Variants in SGCZ observed in about 807,000 individuals in gnomAD.
SGCZ encodes the protein sarcoglycan zeta.
SGCZ carries 40 observed loss-of-function variants against 41.3 expected under a neutral mutation model. The observed-to-expected ratio is 0.97, with a 90% CI of 0.75 to 1.26. The LOEUF is 1.26. Among genes scored for constraint, SGCZ ranks in the 50% most tolerant of loss-of-function variants. SGCZ has a pLI of 0.00. For synonymous variants in SGCZ, 206 were observed against 137.5 expected (o/e 1.50, Z -3.49); for missense variants, 552 against 369.8 (o/e 1.49, Z -4.04).
intron 2 of SGCZ, among the ~76,000 whole-genome samples, chr8:14,441,513 T>G (rs867685296): frequency 2.2e-4 from 34 of 152,164 alleles, no homozygotes; most frequent in African/African-American, 7.2e-4. Context: ...AGGTGGAGGT[T>G]GCAGTAAGCC....
intron 1 of SGCZ, among the ~76,000 whole-genome samples, chr8:14,904,194 C>T (rs956227422): frequency 8.6e-5 from 13 of 152,002 alleles, no homozygotes; most frequent in African/African-American, 3.1e-4. Context: ...TGAATTGCTG[C>T]TCACAGCTTT....
Position 14,968,513 on chromosome 8 carries a change from C to T in SGCZ, c.39+269072G>A, listed in dbSNP as rs181085237. On this transcript the variant is annotated intron_variant, in intron 1 of 7. Transcript: ENST00000382080. ...ATTAGGATAAGAAGAAAATAGCATA[C>T]TCCATTTTCTTAAGATATTAAAAAT... Among the ~76,000 whole-genome samples the T allele has an allele frequency of 2.0e-5, 3 of 152,044 alleles. 1 individual carries two copies. Among genetic ancestry groups the T allele is most frequent in the South Asian group, 4.1e-4 (2 of 4,830 alleles).
intron 1 of SGCZ, among the ~76,000 whole-genome samples, chr8:14,806,657 G>A (rs547955258): frequency 3.9e-5 from 6 of 152,134 alleles, no homozygotes; most frequent in Middle Eastern, 3.4e-3. Context: ...GAGGTACAAG[G>A]AGGAACTGGT....
At chr8:14,596,382 T>A (rs939878893) in intron 1 of SGCZ, among the ~76,000 whole-genome samples, 4 of 152,302 alleles carry the variant, frequency 2.6e-5, no homozygotes, top group Non-Finnish European at 5.9e-5. Context: ...AAATATTTGA[T>A]GAACGACAAT....
chr8:14,383,572 G>A (rs1233544966), intron 2 of SGCZ, among the ~76,000 whole-genome samples: 2 of 152,200 alleles, frequency 1.3e-5, no homozygotes, highest in Non-Finnish European at 2.9e-5. Flanking sequence ...AAAAGAACAT[G>A]TGAATTAAAT....
intron 1 of SGCZ, among the ~76,000 whole-genome samples, chr8:14,838,729 A>G (rs1279606534): frequency 6.6e-6 from 1 of 152,070 alleles, no homozygotes; most frequent in Non-Finnish European, 1.5e-5. Context: ...ACTCCTCTCT[A>G]AGACCCTGGA....
At chr8:14,639,003 G>A (rs1372750498) in intron 1 of SGCZ, among the ~76,000 whole-genome samples, 2 of 148,724 alleles carry the variant, frequency 1.3e-5, no homozygotes, top group African/African-American at 4.9e-5. Context: ...TACGGGAGAT[G>A]TATCTTTAGA....
chr8:14,125,280 G>A (rs1301276080), intron 5 of SGCZ, among the ~76,000 whole-genome samples: 2 of 152,036 alleles, frequency 1.3e-5, no homozygotes, highest in Non-Finnish European at 1.5e-5. Flanking sequence ...GAGGTGGGTG[G>A]TTCACAAGGT....
At chr8:14,955,257 C>A (rs530811395) in intron 1 of SGCZ, among the ~76,000 whole-genome samples, 7 of 152,270 alleles carry the variant, frequency 4.6e-5, no homozygotes, top group South Asian at 2.1e-4. Context: ...GTTTGTGAAA[C>A]CCATCCATGT....
intron 4 of SGCZ, among the ~76,000 whole-genome samples, chr8:14,219,303 C>G (rs952201654): frequency 6.6e-6 from 1 of 152,078 alleles, no homozygotes; most frequent in African/African-American, 2.4e-5. Flanking sequence ...CTTTTTCAAT[C>G]CCGCTTAAAC....
chr8:14,813,813 C>G (rs1585283971), intron 1 of SGCZ, among the ~76,000 whole-genome samples: 1 of 152,162 alleles, frequency 6.6e-6, no homozygotes, highest in East Asian at 1.9e-4. Context: ...ATTAGCCAGG[C>G]ATGGGGGTGC....
chr8:14,179,286 C>T (rs1050683953), intron 4 of SGCZ, among the ~76,000 whole-genome samples: 35 of 152,264 alleles, frequency 2.3e-4, no homozygotes, highest in African/African-American at 7.2e-4. Context: ...TACATGCAGC[C>T]GTATCCAATA....
At chr8:14,989,940 C>T (rs985764992) in intron 1 of SGCZ, among the ~76,000 whole-genome samples, 3 of 152,140 alleles carry the variant, frequency 2.0e-5, no homozygotes, top group Non-Finnish European at 4.4e-5. Context: ...CTTCCTTCTA[C>T]GTGTAGGGAT....
chr8:14,847,694 G>C (rs1803180549), intron 1 of SGCZ, among the ~76,000 whole-genome samples: 1 of 131,208 alleles, frequency 7.6e-6, no homozygotes, highest in African/African-American at 2.9e-5. Flanking sequence ...AGGGAGGAGG[G>C]GAGGAGAGGA....
chr8:14,683,799 C>T (rs933348122), intron 1 of SGCZ, among the ~76,000 whole-genome samples: 6 of 151,932 alleles, frequency 3.9e-5, no homozygotes, highest in East Asian at 3.9e-4. Flanking sequence ...TTTTAGGGCT[C>T]GAGAAAATTA....
chr8:15,099,406 A>G (rs1415923103), intron 1 of SGCZ, among the ~76,000 whole-genome samples: 4 of 152,228 alleles, frequency 2.6e-5, no homozygotes, highest in Non-Finnish European at 5.9e-5. Context: ...TGGAAAAAAT[A>G]CTTTACCAAA....
chr8:14,093,858 T>G (rs1194811557), intron 7 of SGCZ, among the ~76,000 whole-genome samples: 1 of 152,122 alleles, frequency 6.6e-6, no homozygotes, highest in Non-Finnish European at 1.5e-5. Flanking sequence ...GTTATACTTT[T>G]CTCTATAGTA....
rs182497623 is a variant in SGCZ at position 14,134,894 on chromosome 8, T to C, written c.548-26659A>G. Among the ~76,000 whole-genome samples the C allele has an allele frequency of 6.0e-3, 912 of 152,298 alleles. 33 individuals are homozygous for C. Among genetic ancestry groups the C allele is most frequent in the Admixed American group, 0.056 (858 of 15,288 alleles). ...TTTTTTAAAAACATGACAGATATAA[T>C]AGTTCATGATGAGAATGTTAAATTA... On this transcript the variant is annotated intron_variant, in intron 5 of 7. Coordinates refer to ENST00000382080, the MANE Select transcript of SGCZ (RefSeq NM_139167.4).
At chr8:15,000,586 G>A (rs1050552750) in intron 1 of SGCZ, among the ~76,000 whole-genome samples, 3 of 152,090 alleles carry the variant, frequency 2.0e-5, no homozygotes, top group Admixed American at 6.5e-5. Flanking sequence ...TCAAGATGGC[G>A]GCTCCATCTT....
Sources: allele counts gnomAD v4.1 joint callset (sites outside exome capture counted in the v4.1 genomes callset), GRCh38; gene constraint gnomAD v4.1.1; transcripts MANE v1.5; gene names NCBI Gene and HGNC (gene_info 2026-07-23, HGNC 2026-07-21).